Variants in NRL observed in about 807,000 individuals in gnomAD.
The protein encoded by NRL is neural retina leucine zipper.
In NRL, 16 loss-of-function variants were observed where a neutral mutation model predicts 12.5. That is an observed-to-expected ratio of 1.28 (90% CI 0.87 to 1.95). The LOEUF is 1.95. NRL is among the 30% of genes most tolerant of loss of function. NRL has a pLI of 0.00. For missense variants in NRL, 314 were observed against 325.8 expected, an observed-to-expected ratio of 0.96 and a Z score of 0.28; for synonymous variants, 142 against 150.9, an observed-to-expected ratio of 0.94 and a Z score of 0.43.
At chr14:24,102,268 T>C (rs781388790) in intron 1 of NRL, among the ~76,000 whole-genome samples, 20 of 152,210 alleles carry the variant, frequency 1.3e-4, no homozygotes, top group Non-Finnish European at 2.2e-4. Flanking sequence ...TGCATTTGGA[T>C]AACTTAGGAG....
At chr14:24,095,013 G>A in intron 1 of NRL, 1 of 466,364 alleles carries the variant, frequency 2.1e-6, no homozygotes, top group Non-Finnish European at 4.1e-6. Flanking sequence ...TGGGAGGAGG[G>A]CGCCAAGTTG....
At chr14:24,096,860 C>G (rs1240701911) in intron 1 of NRL, 7 of 1,596,042 alleles carry the variant, frequency 4.4e-6, no homozygotes, top group South Asian at 3.3e-5. Context: ...TCGATGACAG[C>G]AACTAGCTCA....
At chr14:24,109,613 G>A (rs2037388008) in intron 1 of NRL, among the ~76,000 whole-genome samples, 1 of 151,248 alleles carries the variant, frequency 6.6e-6, no homozygotes, top group Non-Finnish European at 1.5e-5. Context: ...CAGGAGAATA[G>A]CATGAACCCG....
In NRL at chr14:24,085,333, C is replaced by T. The variant is rs190722343; in HGVS notation, c.-27-2458G>A. ...TGAAATCTAATCACCACCAGTCCGT[C>T]GGAGACACTTTTGTAACTGGCCTCA... On this transcript the variant is annotated intron_variant, in intron 1 of 2. Coordinates refer to ENST00000561028, the MANE Select transcript of NRL (RefSeq NM_001354768.3). The surrounding 1 kb of genome is among the most constrained non-coding windows in gnomAD (Gnocchi z 4.1). Among the ~76,000 whole-genome samples the T allele has an allele frequency of 3.3e-5, 5 of 152,322 alleles. No homozygotes were observed.
In NRL at chr14:24,079,542, A is replaced by G; in HGVS notation, c.*1694T>C. The stretch of plus-strand genomic sequence containing the variant: ...AATTCTGAGAGCGATGGAGGAGAGG[A>G]CTCCCATTGCAGGCTCCTAAGCGGA... On this transcript the variant is annotated 3_prime_UTR_variant, in exon 3 of 3. Coordinates refer to ENST00000561028, the MANE Select transcript of NRL (RefSeq NM_001354768.3). Among the ~76,000 whole-genome samples the G allele has an allele frequency of 6.6e-6, 1 of 151,674 alleles. No homozygotes were observed. The highest frequency in any genetic ancestry group is 1.5e-5 in the Non-Finnish European group (1 of 67,970).
chr14:24,099,361 A>G (rs2037056823), intron 1 of NRL: 9 of 1,084,112 alleles, frequency 8.3e-6, no homozygotes, highest in Non-Finnish European at 9.1e-6. Flanking sequence ...CTCTACTTGA[A>G]GGCCCAAAGC....
At position 24,081,977 on chromosome 14, in the gene NRL, C is replaced by T; in HGVS notation, c.382-409G>A. 1 of 1,219,424 alleles carries T rather than the reference C, an allele frequency of 8.2e-7. No individual in the cohort carries two copies. Among genetic ancestry groups the T allele is most frequent in the Non-Finnish European group, 1.0e-6 (1 of 967,138 alleles). 75.5% of individuals were successfully genotyped at this position (1,219,424 alleles called of 1,614,324 possible). Reference sequence around the variant, plus strand: ...GAAGCCTGCAACCCGGTGACCCTCACAGGATTTGGATTACATCCTAATGCC... The same window carrying T: ...GAAGCCTGCAACCCGGTGACCCTCATAGGATTTGGATTACATCCTAATGCC... On this transcript the variant is annotated intron_variant, in intron 2 of 2. Coordinates refer to ENST00000561028, the MANE Select transcript of NRL (RefSeq NM_001354768.3). This position sits in a 1 kb window ranked among gnomAD's most constrained non-coding sequence, Gnocchi z 4.4.
At position 24,098,707 on chromosome 14, in the gene NRL, C is replaced by A. The variant is rs374169060; in HGVS notation, c.-27-15832G>T. On this transcript the variant is annotated intron_variant, in intron 1 of 2. Transcript: ENST00000561028. ...AGCACCTGCTCTGCCCCAAGGGGAA[C>A]ACAGAGGCCTTCTTGTACTCAGAGG... 1.5e-5 allele frequency: 24 copies of A among 1,580,652 alleles called. 1 individual carries two copies. In the African/African-American group the frequency reaches 1.7e-4, roughly 12 times the overall value.
At chr14:24,109,542 C>T (rs1566585957) in intron 1 of NRL, among the ~76,000 whole-genome samples, 1 of 151,828 alleles carries the variant, frequency 6.6e-6, no homozygotes, top group East Asian at 1.9e-4. Context: ...AAGAAAAATA[C>T]AAAAAATTAG....
At chr14:24,111,718 AGCTTAAGGAGATT>A (rs2037423253) in intron 1 of NRL, among the ~76,000 whole-genome samples, 2 of 151,940 alleles carry the variant, frequency 1.3e-5, no homozygotes, top group Admixed American at 1.3e-4. Flanking sequence ...GTTGCTTATC[AGCTTAAGGAGATT>A]TTGGGCTGAG....
Position 24,098,485 on chromosome 14 carries a change from G to C in NRL, c.-27-15610C>G, listed in dbSNP as rs2037002209. 1.9e-6 allele frequency: 3 copies of C among 1,613,974 alleles called. No individual in the cohort carries two copies. The African/African-American group carries it at 4.0e-5, about 22-fold the overall frequency. Reference sequence around the variant, plus strand: ...TGCCTTCCTCCACAGGCCGCACCATGTATGTGCTTCCATTCAGCATGGGTC... The same window carrying C: ...TGCCTTCCTCCACAGGCCGCACCATCTATGTGCTTCCATTCAGCATGGGTC... On this transcript the variant is annotated intron_variant, in intron 1 of 2. Coordinates refer to ENST00000561028, the MANE Select transcript of NRL (RefSeq NM_001354768.3).
chr14:24,105,212 G>A (rs746457343), intron 1 of NRL, among the ~76,000 whole-genome samples: 9 of 152,218 alleles, frequency 5.9e-5, no homozygotes, highest in Non-Finnish European at 7.3e-5. Flanking sequence ...GGCACAGATC[G>A]CTCATGCTAT....
At chr14:24,084,815 T>A (rs1430886289) in intron 1 of NRL, 1 of 662,258 alleles carries the variant, frequency 1.5e-6, no homozygotes, top group East Asian at 1.4e-4. Context: ...AAAGGGAGCA[T>A]CTTCCCCAAC....
At chr14:24,103,826 G>T (rs746162974) in intron 1 of NRL, 15 of 1,614,134 alleles carry the variant, frequency 9.3e-6, no homozygotes, top group Non-Finnish European at 1.3e-5. Context: ...CCACTCAGCT[G>T]TTCTCCCTCC....
chr14:24,099,136 G>T, intron 1 of NRL: 1 of 1,611,748 alleles, frequency 6.2e-7, no homozygotes, highest in Non-Finnish European at 8.5e-7. Context: ...TCCTTCGGCA[G>T]CGGCTATGGT....
chr14:24,097,186 T>A, intron 1 of NRL: 1 of 1,587,480 alleles, frequency 6.3e-7, no homozygotes, highest in Non-Finnish European at 8.6e-7. Context: ...TGAGGCCACT[T>A]TGGGTTCACC....
At chr14:24,105,104 T>C (rs2037315892) in intron 1 of NRL, among the ~76,000 whole-genome samples, 3 of 152,366 alleles carry the variant, frequency 2.0e-5, no homozygotes, top group Admixed American at 2.0e-4. Context: ...ATTGTTTTTA[T>C]AGATTAACTA....
Position 24,081,742 on chromosome 14 carries a change from G to A in NRL, c.382-174C>T. 1 of 1,521,168 alleles carries A rather than the reference G, an allele frequency of 6.6e-7. No individual in the cohort carries two copies. Among genetic ancestry groups the A allele is most frequent in the South Asian group, 1.2e-5 (1 of 81,762 alleles). The allele number at this position is 1,521,168 out of a possible 1,614,324, so 94.2% of individuals were successfully genotyped here. A position where few individuals can be genotyped will look rare whatever the true frequency, so the allele number is the denominator to read the frequency against. ...CGGTCCAGAGCCCGCCCCAGGCCCC[G>A]ACGCTCCCCGGGCCCCCCAGCTGAC... On this transcript the variant is annotated intron_variant, in intron 2 of 2. Transcript: ENST00000561028. This position sits in a 1 kb window ranked among gnomAD's most constrained non-coding sequence, Gnocchi z 4.4.
chr14:24,081,719 G>A lies in NRL; in HGVS notation c.382-151C>T. 6.6e-7 allele frequency: 1 copy of A among 1,524,434 alleles called. No individual in the cohort carries two copies. The highest frequency in any genetic ancestry group is 8.8e-7 in the Non-Finnish European group (1 of 1,141,450). 94.4% of individuals were successfully genotyped at this position (1,524,434 alleles called of 1,614,324 possible). On this transcript the variant is annotated intron_variant, in intron 2 of 2. Transcript: ENST00000561028. This position sits in a 1 kb window ranked among gnomAD's most constrained non-coding sequence, Gnocchi z 4.4. ...TCGCCCTTCCACGCAGTCTGTTTCG[G>A]TCCAGAGCCCGCCCCAGGCCCCGAC...
Sources: allele counts gnomAD v4.1 joint callset (sites outside exome capture counted in the v4.1 genomes callset), GRCh38; gene constraint gnomAD v4.1.1; non-coding constraint Gnocchi (gnomAD v3.1); transcripts MANE v1.5; gene names NCBI Gene and HGNC (gene_info 2026-07-23, HGNC 2026-07-21).